LRP1B: variants seen among roughly 807,000 people sequenced by gnomAD.
The protein encoded by LRP1B is low-density lipoprotein receptor-related protein 1B.
A neutral mutation model predicts 556.6 loss-of-function variants in LRP1B; 217 were observed. That is an observed-to-expected ratio of 0.39 (90% CI 0.35 to 0.44). LRP1B has a LOEUF of 0.44. Among genes scored for constraint, LRP1B ranks in the 20% least tolerant of loss-of-function variants. The pLI, the probability that LRP1B is intolerant of heterozygous loss-of-function variation, is 1.00. For missense variants in LRP1B, 5,053 were observed against 5,620.8 expected (o/e 0.90, Z 3.23); for synonymous variants, 2,047 against 1,865.8 (o/e 1.10, Z -2.50).
intron 29 of LRP1B, among the ~76,000 whole-genome samples, chr2:140,845,738 T>A (rs919401125): frequency 7.2e-5 from 11 of 152,076 alleles, no homozygotes; most frequent in Non-Finnish European, 1.2e-4. Flanking sequence ...TATTAAAAAA[T>A]ATAATATAAA....
At chr2:141,025,126 A>C (rs1025080188) in intron 11 of LRP1B, among the ~76,000 whole-genome samples, 1 of 152,094 alleles carries the variant, frequency 6.6e-6, no homozygotes, top group East Asian at 1.9e-4. Flanking sequence ...ATGCAGATAG[A>C]TAGAGCAAAC....
chr2:141,016,127 A>C (rs1573983902), intron 12 of LRP1B, among the ~76,000 whole-genome samples: 2 of 152,072 alleles, frequency 1.3e-5, no homozygotes, highest in East Asian at 3.9e-4. Context: ...CACTTATTAC[A>C]GAAAAGCCAA....
chr2:140,665,803 T>G (rs16844433), intron 41 of LRP1B, among the ~76,000 whole-genome samples: 15,793 of 152,092 alleles, frequency 0.1, 957 homozygotes, highest in East Asian at 0.25. Flanking sequence ...GTTGTTCTTA[T>G]GTAACTTATC....
chr2:140,999,792 G>A (rs1449345405), intron 15 of LRP1B, among the ~76,000 whole-genome samples: 1 of 152,040 alleles, frequency 6.6e-6, no homozygotes, highest in Admixed American at 6.6e-5. Flanking sequence ...AACTACATAA[G>A]GCAGAGTAAG....
intron 6 of LRP1B, among the ~76,000 whole-genome samples, chr2:141,227,200 A>C (rs1239159429): frequency 6.6e-6 from 1 of 152,244 alleles, no homozygotes; most frequent in Non-Finnish European, 1.5e-5. Context: ...ACATATATTA[A>C]AGAAGAGAAG....
chr2:140,691,701 A>C (rs1686250309), intron 41 of LRP1B, among the ~76,000 whole-genome samples: 1 of 152,176 alleles, frequency 6.6e-6, no homozygotes, highest in Non-Finnish European at 1.5e-5. Flanking sequence ...GCAGGCACCT[A>C]TCATGTCATT....
intron 3 of LRP1B, among the ~76,000 whole-genome samples, chr2:141,425,316 T>A (rs936458459): frequency 3.7e-4 from 55 of 148,590 alleles, no homozygotes; most frequent in Non-Finnish European, 1.8e-4. Context: ...ATCCAGTCTA[T>A]CATTGTTGGA....
At chr2:142,070,996 G>A (rs78111853) in intron 1 of LRP1B, among the ~76,000 whole-genome samples, 6,561 of 151,834 alleles carry the variant, frequency 0.043, 229 homozygotes, top group Non-Finnish European at 0.058. Context: ...AAAGTAAATT[G>A]AGAAAGGCGA....
intron 8 of LRP1B, among the ~76,000 whole-genome samples, chr2:141,059,705 G>A (rs1371694077): frequency 6.6e-6 from 1 of 151,722 alleles, no homozygotes; most frequent in Non-Finnish European, 1.5e-5. Flanking sequence ...GAATTATGAT[G>A]TTTATTGCTA....
chr2:141,341,393 G>C (rs1688049654), intron 3 of LRP1B, among the ~76,000 whole-genome samples: 1 of 152,106 alleles, frequency 6.6e-6, no homozygotes. Flanking sequence ...ACATTTCTCA[G>C]ATCAGTTTCC....
intron 11 of LRP1B, among the ~76,000 whole-genome samples, chr2:141,034,284 C>T (rs1025915038): frequency 6.6e-6 from 1 of 152,088 alleles, no homozygotes; most frequent in East Asian, 1.9e-4. Context: ...GGACTGTTAT[C>T]AATTTATTTT....
At chr2:140,630,116 A>T (rs935158873) in intron 41 of LRP1B, among the ~76,000 whole-genome samples, 1 of 152,192 alleles carries the variant, frequency 6.6e-6, no homozygotes, top group Non-Finnish European at 1.5e-5. Flanking sequence ...CAGTATCAGC[A>T]TTACCTGGGA....
chr2:141,585,107 G>A (rs1036312413), intron 2 of LRP1B, among the ~76,000 whole-genome samples: 1 of 152,000 alleles, frequency 6.6e-6, no homozygotes, highest in Non-Finnish European at 1.5e-5. Context: ...GAGAAAAACG[G>A]TCTTTTCTCT....
At chr2:140,308,086 A>G (rs1431616930) in intron 83 of LRP1B, among the ~76,000 whole-genome samples, 1 of 151,774 alleles carries the variant, frequency 6.6e-6, no homozygotes, top group African/African-American at 2.4e-5. Context: ...TAATATATCA[A>G]TCACTATTGA....
rs747442889 is a variant in LRP1B at position 140,541,814 on chromosome 2, A to G, written c.7352T>C (p.Met2451Thr). Reference protein sequence around the residue: ...ILRSDIPHQPMGIIAVANDTN... With the variant: ...ILRSDIPHQPTGIIAVANDTN... ...GTCATTGGCAACAGCTATGATTCCC[A>G]TTGGCTGATGTGGAATATCGGAACG... Residue 2451 changes from methionine to threonine, a missense_variant, in exon 44 of 91, where the codon ATG (methionine) becomes ACG (threonine). Met to Thr is a moderately conservative substitution (Grantham distance 81, BLOSUM62 -1). Around this residue, in one of 5 missense-constraint regions of LRP1B, gnomAD observed 3,619 missense variants for 3,931.9 expected, o/e 0.92. Transcript: ENST00000389484. 3.5e-5 allele frequency: 57 copies of G among 1,612,368 alleles called. No homozygotes were observed.
At chr2:141,855,270 A>T (rs556426198) in intron 1 of LRP1B, among the ~76,000 whole-genome samples, 17 of 151,368 alleles carry the variant, frequency 1.1e-4, no homozygotes, top group Non-Finnish European at 2.2e-4. Flanking sequence ...TGTTGTTCAT[A>T]AAAAAAAACT....
At chr2:141,185,625 T>C (rs935338804) in intron 7 of LRP1B, among the ~76,000 whole-genome samples, 18 of 137,184 alleles carry the variant, frequency 1.3e-4, no homozygotes, top group Middle Eastern at 3.6e-3. Flanking sequence ...CAAGTCATAA[T>C]GGGAGTCCAG....
rs374868947 is a variant in LRP1B at position 142,068,689 on chromosome 2, C to T, written c.82+61959G>A. On this transcript the variant is annotated intron_variant, in intron 1 of 90. Transcript: ENST00000389484. ...CCTGAAGGACAAGGATCACACTCCA[C>T]TATTCTCTGTTATAACACAGCCCAG... is the stretch of plus-strand genomic sequence containing the variant. Among the ~76,000 whole-genome samples, 78 of 151,600 alleles carry T rather than the reference C, an allele frequency of 5.1e-4. 1 individual carries two copies. In the South Asian group the frequency reaches 0.011, roughly 22 times the overall value.
chr2:140,504,900 T>A (rs1009967390), intron 53 of LRP1B, among the ~76,000 whole-genome samples: 2 of 152,204 alleles, frequency 1.3e-5, no homozygotes, highest in East Asian at 3.9e-4. Context: ...TTTCTCCCAC[T>A]CTGGTGAAAA....
Sources: allele counts gnomAD v4.1 joint callset (sites outside exome capture counted in the v4.1 genomes callset), GRCh38; gene constraint gnomAD v4.1.1; regional missense constraint gnomAD v4.1.1; transcripts MANE v1.5; gene names NCBI Gene and HGNC (gene_info 2026-07-23, HGNC 2026-07-21).